The following MAP4K3 variants were observed in gnomAD, a reference collection of about 807,000 sequenced individuals.
MAP4K3 encodes the protein MAPK/ERK kinase kinase kinase 3.
A neutral mutation model predicts 143.5 loss-of-function variants in MAP4K3; 94 were observed. That is an observed-to-expected ratio of 0.65 (90% CI 0.55 to 0.78). The LOEUF (loss-of-function observed/expected upper bound fraction) is 0.78. Among genes scored for constraint, MAP4K3 ranks in the 30% least tolerant of loss-of-function variants. The pLI is 0.00. For missense variants in MAP4K3, 1,077 were observed against 1,068.1 expected, an observed-to-expected ratio of 1.01 and a Z score of -0.12; for synonymous variants, 416 against 347.2, an observed-to-expected ratio of 1.20 and a Z score of -2.20.
intron 15 of MAP4K3, 23 bp from the exon 16 acceptor site, chr2:39,299,824 T>G: frequency 7.3e-7 from 1 of 1,362,234 alleles, no homozygotes; most frequent in East Asian, 2.4e-5. Flanking sequence ...AATAAAATAT[T>G]TAGCACAATA....
rs555994390 is a variant in MAP4K3 at position 39,385,255 on chromosome 2, T to C, written c.97-7132A>G. ...GGTATATGTTTAACCTTATAAGAAA[T>C]TGCCCAACTTTCCAGAGTGACTGTA... On this transcript the variant is annotated intron_variant, in intron 1 of 33. Coordinates refer to ENST00000263881, the MANE Select transcript of MAP4K3 (RefSeq NM_003618.4). Among the ~76,000 whole-genome samples, 91 of 152,230 alleles carry C rather than the reference T, an allele frequency of 6.0e-4. 1 individual carries two copies. The highest frequency in any genetic ancestry group is 2.0e-3 in the African/African-American group (85 of 41,526).
intron 2 of MAP4K3, among the ~76,000 whole-genome samples, chr2:39,369,212 T>TTTGTTTTTTTTTTTG (rs1666013882): frequency 7.4e-6 from 1 of 135,148 alleles, no homozygotes; most frequent in Non-Finnish European, 1.5e-5. Flanking sequence ...TTTGTTTTTT[T>TTTGTTTTTTTTTTTG]TGAGATGCAG....
intron 15 of MAP4K3, among the ~76,000 whole-genome samples, chr2:39,303,903 G>A (rs780929712): frequency 1.5e-4 from 23 of 151,868 alleles, no homozygotes; most frequent in Admixed American, 9.8e-4. Flanking sequence ...GGCTTAAATA[G>A]CCAGTAAAAC....
chr2:39,379,892 T>G (rs938400986), intron 1 of MAP4K3: 3 of 165,142 alleles, frequency 1.8e-5, no homozygotes, highest in African/African-American at 7.2e-5. Context: ...AGTTACACAG[T>G]GTTTGTCCAA....
At chr2:39,271,098 G>T (rs1211404818) in intron 26 of MAP4K3, among the ~76,000 whole-genome samples, 1 of 151,944 alleles carries the variant, frequency 6.6e-6, no homozygotes, top group Non-Finnish European at 1.5e-5. Context: ...AATGATCCAG[G>T]ATTTAAATTC....
intron 6 of MAP4K3, 52 bp from the exon 7 acceptor site, chr2:39,333,626 C>T (rs1187102204): frequency 2.0e-6 from 2 of 999,732 alleles, no homozygotes; most frequent in East Asian, 2.4e-5. Flanking sequence ...TTTTATCAGA[C>T]AGCACATATA....
chr2:39,315,418 G>A, intron 12 of MAP4K3, 30 bp from the exon 13 acceptor site: 1 of 1,406,272 alleles, frequency 7.1e-7, no homozygotes, highest in South Asian at 1.2e-5. Flanking sequence ...ATGATATGCA[G>A]CATTTGATAA....
chr2:39,414,204 G>A (rs1445442147), intron 1 of MAP4K3, among the ~76,000 whole-genome samples: 2 of 152,174 alleles, frequency 1.3e-5, no homozygotes, highest in Admixed American at 6.5e-5. Flanking sequence ...AAGCCAAAAT[G>A]AGAAGCAAAG....
At chr2:39,414,632 T>G (rs563537185) in intron 1 of MAP4K3, among the ~76,000 whole-genome samples, 105 of 152,170 alleles carry the variant, frequency 6.9e-4, no homozygotes, top group African/African-American at 2.4e-3. Context: ...TCACAGCACT[T>G]TGGGAGGCCC....
At chr2:39,358,311 T>C (rs1215168046) in intron 2 of MAP4K3, among the ~76,000 whole-genome samples, 1 of 152,220 alleles carries the variant, frequency 6.6e-6, no homozygotes, top group African/African-American at 2.4e-5. Flanking sequence ...GTCTTCATCA[T>C]CTTTGTACCC....
intron 2 of MAP4K3, among the ~76,000 whole-genome samples, chr2:39,365,509 A>G (rs1013354013): frequency 3.4e-5 from 5 of 146,750 alleles, no homozygotes; most frequent in African/African-American, 1.3e-4. Context: ...CAGTGGCGCA[A>G]TCTCGGCTCA....
intron 8 of MAP4K3, among the ~76,000 whole-genome samples, chr2:39,331,488 G>T (rs1023760419): frequency 1.3e-5 from 2 of 152,102 alleles, no homozygotes; most frequent in South Asian, 4.1e-4. Context: ...ATCTGCATTT[G>T]ATCCTATAGG....
At chr2:39,415,981 ATAT>A (rs1306579657) in intron 1 of MAP4K3, among the ~76,000 whole-genome samples, 15 of 13,392 alleles carry the variant, frequency 1.1e-3, no homozygotes, top group African/African-American at 3.1e-3. Flanking sequence ...AAAAAAAAAA[ATAT>A]ATATATATAT....
At chr2:39,336,583 G>A (rs527573824) in intron 6 of MAP4K3, among the ~76,000 whole-genome samples, 1 of 148,790 alleles carries the variant, frequency 6.7e-6, no homozygotes, top group South Asian at 2.1e-4. Flanking sequence ...AAAGCTCACT[G>A]AAATAGTCAA....
intron 1 of MAP4K3, among the ~76,000 whole-genome samples, chr2:39,424,029 C>T (rs1233783568): frequency 2.6e-5 from 4 of 152,222 alleles, no homozygotes; most frequent in Middle Eastern, 3.4e-3. Context: ...CTGCAACCTC[C>T]GCCTCCCAGG....
chr2:39,342,132 TTATTATTATTA>T (rs1465143334), intron 4 of MAP4K3, among the ~76,000 whole-genome samples: 5 of 148,760 alleles, frequency 3.4e-5, no homozygotes, highest in African/African-American at 1.2e-4. Flanking sequence ...ATTATTATTA[TTATTATTATTA>T]TTATTATTAT....
At chr2:39,316,125 A>G (rs1440203679) in intron 12 of MAP4K3, among the ~76,000 whole-genome samples, 1 of 152,082 alleles carries the variant, frequency 6.6e-6, no homozygotes, top group Non-Finnish European at 1.5e-5. Flanking sequence ...TATAATTTCC[A>G]TGAGTAGGAA....
chr2:39,290,150 T>C, intron 19 of MAP4K3, 142 bp downstream of exon 19: 2 of 509,830 alleles, frequency 3.9e-6, no homozygotes, highest in Non-Finnish European at 6.7e-6. Context: ...GAGACAAACA[T>C]AATAAAAAAT....
chr2:39,368,076 C>G (rs1466029297), intron 2 of MAP4K3, among the ~76,000 whole-genome samples: 1 of 152,038 alleles, frequency 6.6e-6, no homozygotes, highest in Non-Finnish European at 1.5e-5. Context: ...CAGGTTTACC[C>G]GAGTGGTTCT....
Sources: allele counts gnomAD v4.1 joint callset (sites outside exome capture counted in the v4.1 genomes callset), GRCh38; gene constraint gnomAD v4.1.1; transcripts MANE v1.5; gene names NCBI Gene and HGNC (gene_info 2026-07-23, HGNC 2026-07-21).